The following RHOU variants were observed in gnomAD, a reference collection of about 807,000 sequenced individuals.
RHOU encodes the protein rho-related GTP-binding protein RhoU.
A neutral mutation model predicts 12.6 loss-of-function variants in RHOU; 8 were observed. The observed-to-expected ratio is 0.64, with a 90% CI of 0.37 to 1.15. The LOEUF is 1.15. Ranked by LOEUF, RHOU falls within the 50% of genes most tolerant of loss-of-function variation. RHOU has a pLI of 0.01. For synonymous variants in RHOU, 161 were observed against 147.4 expected (o/e 1.09, Z -0.67); for missense variants, 258 against 347.0 (o/e 0.74, Z 2.04).
At chr1:228,674,597 C>T in the RHOU span, among the ~76,000 whole-genome samples, 9 of 152,040 alleles carry the variant, frequency 5.9e-5, no homozygotes, top group South Asian at 1.7e-3. Context: ...CTGCTTCCCT[C>T]GGCCCCCCAA....
At chr1:228,678,337 A>C in the RHOU span, among the ~76,000 whole-genome samples, 1 of 152,158 alleles carries the variant, frequency 6.6e-6, no homozygotes, top group Non-Finnish European at 1.5e-5. Context: ...GTGTGGGAAG[A>C]GGTTGATAGG....
In RHOU at chr1:228,737,704, A is replaced by G. The variant is rs758969787; in HGVS notation, c.294A>G (p.Arg98=). 1.9e-6 allele frequency: 3 copies of G among 1,614,034 alleles called. No homozygotes were observed. Among genetic ancestry groups the G allele is most frequent in the Non-Finnish European group, 2.5e-6 (3 of 1,180,006 alleles). Residue 98 remains arginine, a synonymous_variant, in exon 2 of 3, where the codon AGA becomes AGG. Transcript: ENST00000366691. This position sits in a 1 kb window ranked among gnomAD's most constrained non-coding sequence, Gnocchi z 4.1. ...AVVSVDGRPV[R]LQLCDTAGQD... The stretch of plus-strand genomic sequence containing the variant: ...TGTCTGTGGATGGGCGGCCCGTGAG[A>G]CTCCAACTCTGTGACACTGCCGGAC...
chr1:228,654,294 A>T, the RHOU span, among the ~76,000 whole-genome samples: 12 of 152,070 alleles, frequency 7.9e-5, no homozygotes, highest in Non-Finnish European at 1.2e-4. Context: ...TTTTTTATAG[A>T]TGATGTGTCT....
chr1:228,708,836 A>G, the RHOU span, among the ~76,000 whole-genome samples: 3 of 152,234 alleles, frequency 2.0e-5, no homozygotes, highest in Non-Finnish European at 2.9e-5. Context: ...AATGGACTAA[A>G]TGCTCCAATT....
At chr1:228,657,453 T>A in the RHOU span, among the ~76,000 whole-genome samples, 1 of 152,112 alleles carries the variant, frequency 6.6e-6, no homozygotes, top group Non-Finnish European at 1.5e-5. Context: ...TATATATTAA[T>A]AAAAGGTTTA....
At chr1:228,696,742 T>A in the RHOU span, among the ~76,000 whole-genome samples, 1 of 151,860 alleles carries the variant, frequency 6.6e-6, no homozygotes, top group African/African-American at 2.4e-5. Flanking sequence ...GAGGTGGGGT[T>A]TCACTGTGTG....
In RHOU at chr1:228,743,284, G is replaced by C; in HGVS notation, c.322-1G>C. The C allele has an allele frequency of 6.2e-7, 1 of 1,610,738 alleles. No individual in the cohort carries two copies. Among genetic ancestry groups the C allele is most frequent in the Non-Finnish European group, 8.5e-7 (1 of 1,177,130 alleles). On this transcript the variant is annotated splice_acceptor_variant, in intron 2 of 2. Coordinates refer to ENST00000366691, the MANE Select transcript of RHOU (RefSeq NM_021205.6). LOFTEE classifies it high-confidence loss of function. The surrounding 1 kb of genome is among the most constrained non-coding windows in gnomAD (Gnocchi z 5.1). Reference sequence around the variant, plus strand: ...CTTTTGGGTACTTTGCTTGGTTGCAGGATGAATTTGACAAGCTGAGGCCTC... The same window carrying C: ...CTTTTGGGTACTTTGCTTGGTTGCACGATGAATTTGACAAGCTGAGGCCTC...
At chr1:228,685,151 G>C in the RHOU span, among the ~76,000 whole-genome samples, 1 of 152,200 alleles carries the variant, frequency 6.6e-6, no homozygotes, top group African/African-American at 2.4e-5. Flanking sequence ...AGGATGACCA[G>C]AGGTCACTCT....
intron 2 of RHOU, among the ~76,000 whole-genome samples, chr1:228,739,910 G>A (rs752567125): frequency 1.3e-5 from 2 of 152,236 alleles, no homozygotes; most frequent in Non-Finnish European, 2.9e-5. Context: ...CCAGGTGGTG[G>A]GGGTATAAAC....
chr1:228,734,125 C>T (rs1040252444), upstream of RHOU, among the ~76,000 whole-genome samples: 8 of 152,152 alleles, frequency 5.3e-5, no homozygotes, highest in Non-Finnish European at 8.8e-5. Flanking sequence ...TCTTCAAAGT[C>T]ACTCAATATG....
the RHOU span, among the ~76,000 whole-genome samples, chr1:228,653,680 T>C: frequency 6.6e-6 from 1 of 152,202 alleles, no homozygotes; most frequent in Non-Finnish European, 1.5e-5. Context: ...GGTCTCGAAC[T>C]CCTGGCCTCA....
the RHOU span, among the ~76,000 whole-genome samples, chr1:228,723,884 C>G: frequency 5.3e-5 from 8 of 152,222 alleles, no homozygotes; most frequent in African/African-American, 1.9e-4. Flanking sequence ...GCTGCTTCTC[C>G]AACACGGAGA....
chr1:228,742,140 G>C (rs1481992200), intron 2 of RHOU, among the ~76,000 whole-genome samples: 1 of 152,168 alleles, frequency 6.6e-6, no homozygotes, highest in Non-Finnish European at 1.5e-5. Context: ...CCTGAGGATG[G>C]TTGGCACCAA....
At chr1:228,736,358 CAA>C (rs762637214) in intron 1 of RHOU, among the ~76,000 whole-genome samples, 4 of 151,718 alleles carry the variant, frequency 2.6e-5, no homozygotes, top group Non-Finnish European at 4.4e-5. Context: ...TTGCATAGAG[CAA>C]AGTTTCCTGA....
At chr1:228,666,934 C>CT in the RHOU span, among the ~76,000 whole-genome samples, 4 of 152,182 alleles carry the variant, frequency 2.6e-5, no homozygotes, top group African/African-American at 9.7e-5. Flanking sequence ...TGCATAGTGA[C>CT]TTTTAGCGCA....
the RHOU span, among the ~76,000 whole-genome samples, chr1:228,669,147 A>G: frequency 6.6e-6 from 1 of 152,220 alleles, no homozygotes; most frequent in Non-Finnish European, 1.5e-5. Context: ...GGAGTTAGGT[A>G]GTACACTGGA....
chr1:228,713,869 TGAA>T, the RHOU span, among the ~76,000 whole-genome samples: 4 of 152,152 alleles, frequency 2.6e-5, no homozygotes, highest in African/African-American at 9.7e-5. Flanking sequence ...AGAACTGAAT[TGAA>T]GCATACTCAG....
chr1:228,723,940 G>A, the RHOU span, among the ~76,000 whole-genome samples: 8 of 152,240 alleles, frequency 5.3e-5, no homozygotes, highest in Admixed American at 4.6e-4. Context: ...TGCCTGGAAC[G>A]CTGTTTCTTA....
the RHOU span, among the ~76,000 whole-genome samples, chr1:228,686,474 T>A: frequency 1.3e-5 from 2 of 152,214 alleles, no homozygotes; most frequent in Non-Finnish European, 2.9e-5. Flanking sequence ...ATATTTGCAG[T>A]TTAAAACCTA....
Sources: allele counts gnomAD v4.1 joint callset (sites outside exome capture counted in the v4.1 genomes callset), GRCh38; gene constraint gnomAD v4.1.1; non-coding constraint Gnocchi (gnomAD v3.1); transcripts MANE v1.5; gene names NCBI Gene and HGNC (gene_info 2026-07-23, HGNC 2026-07-21).